GALNT14: variants seen among roughly 807,000 people sequenced by gnomAD.
GALNT14 encodes polypeptide N-acetylgalactosaminyltransferase 14.
Under a neutral mutation model 77.5 loss-of-function variants are expected in GALNT14, and 60 were observed. The ratio of observed to expected loss-of-function variants is 0.77; its 90% CI spans 0.63 to 0.96. GALNT14 has a LOEUF of 0.96. Ranked by LOEUF, GALNT14 falls within the 40% of genes least tolerant of loss-of-function variation. GALNT14 has a pLI of 0.00. For missense variants in GALNT14, 710 were observed against 731.0 expected, an observed-to-expected ratio of 0.97 and a Z score of 0.33; for synonymous variants, 280 against 281.7, an observed-to-expected ratio of 0.99 and a Z score of 0.06.
chr2:31,033,400 G>A (rs2148483904), intron 1 of GALNT14, among the ~76,000 whole-genome samples: 1 of 152,246 alleles, frequency 6.6e-6, no homozygotes, highest in South Asian at 2.1e-4. Context: ...CTCTGAAATT[G>A]TCCCAATTCT....
chr2:30,916,475 G>C (rs866698461), intron 13 of GALNT14, among the ~76,000 whole-genome samples: 5 of 152,206 alleles, frequency 3.3e-5, no homozygotes, highest in Non-Finnish European at 7.3e-5. Flanking sequence ...TAGTTGGTGT[G>C]GGTGACCCTG....
At chr2:30,899,855 G>C in the GALNT14 span, among the ~76,000 whole-genome samples, 1 of 152,224 alleles carries the variant, frequency 6.6e-6, no homozygotes. Context: ...GTTAGCTCTG[G>C]ATGATGCGGG....
chr2:31,076,841 C>T (rs1675829235), intron 1 of GALNT14, among the ~76,000 whole-genome samples: 1 of 152,060 alleles, frequency 6.6e-6, no homozygotes, highest in Non-Finnish European at 1.5e-5. Flanking sequence ...GGTGTAAACT[C>T]ATACTAGCCA....
chr2:30,977,432 T>G (rs1004709416), intron 2 of GALNT14, among the ~76,000 whole-genome samples: 3 of 152,152 alleles, frequency 2.0e-5, no homozygotes, highest in South Asian at 2.1e-4. Flanking sequence ...TGCTGGAAGA[T>G]TCTGGAAAGA....
intron 4 of GALNT14, among the ~76,000 whole-genome samples, chr2:30,957,648 C>G (rs1287090828): frequency 6.6e-6 from 1 of 152,194 alleles, no homozygotes; most frequent in African/African-American, 2.4e-5. Context: ...CTTCGTACAG[C>G]AGACCGCAGT....
At chr2:30,900,066 C>T in the GALNT14 span, among the ~76,000 whole-genome samples, 30 of 152,282 alleles carry the variant, frequency 2.0e-4, no homozygotes, top group South Asian at 6.2e-4. Context: ...AACTCTATTA[C>T]GGGTAACTTT....
At chr2:31,002,822 G>A (rs1670445704) in intron 1 of GALNT14, among the ~76,000 whole-genome samples, 1 of 152,186 alleles carries the variant, frequency 6.6e-6, no homozygotes, top group Non-Finnish European at 1.5e-5. Context: ...TGAGGAAGGA[G>A]GGGCACCCAG....
intron 1 of GALNT14, among the ~76,000 whole-genome samples, chr2:31,108,726 A>G (rs1489756163): frequency 6.6e-6 from 1 of 152,226 alleles, no homozygotes; most frequent in Non-Finnish European, 1.5e-5. Flanking sequence ...TGAGGACTAT[A>G]TAAGCATTAA....
At chr2:30,965,371 T>A (rs927127578) in intron 3 of GALNT14, among the ~76,000 whole-genome samples, 1 of 148,750 alleles carries the variant, frequency 6.7e-6, no homozygotes, top group Non-Finnish European at 1.5e-5. Context: ...TGAGGGCGGC[T>A]GCTGTCATTG....
chr2:30,955,791 A>C, intron 5 of GALNT14, 52 bp from the exon 6 acceptor site: 1 of 1,611,084 alleles, frequency 6.2e-7, no homozygotes, highest in Middle Eastern at 1.8e-4. Flanking sequence ...TCCATTGTCC[A>C]GCGAGACCAG....
intron 3 of GALNT14, 135 bp downstream of exon 3, chr2:30,966,069 A>C: frequency 1.6e-6 from 1 of 642,748 alleles, no homozygotes; most frequent in Middle Eastern, 3.0e-4. Context: ...GACACATGTG[A>C]CATATAGAAT....
intron 1 of GALNT14, among the ~76,000 whole-genome samples, chr2:31,088,833 C>A (rs1676588254): frequency 6.6e-6 from 1 of 152,062 alleles, no homozygotes; most frequent in Non-Finnish European, 1.5e-5. Flanking sequence ...CAGGGCGATG[C>A]CCATGAGAAT....
At chr2:31,132,431 C>A (rs1230596235) in intron 1 of GALNT14, among the ~76,000 whole-genome samples, 1 of 152,164 alleles carries the variant, frequency 6.6e-6, no homozygotes, top group East Asian at 1.9e-4. Context: ...CAGCTGTGTA[C>A]CACCACCCAG....
chr2:31,057,261 C>T (rs1674273198), intron 1 of GALNT14, among the ~76,000 whole-genome samples: 1 of 148,336 alleles, frequency 6.7e-6, no homozygotes, highest in African/African-American at 2.5e-5. Flanking sequence ...AGCAAACCTG[C>T]ACATGTGCCC....
At chr2:30,938,392 T>A (rs1442089562) in intron 9 of GALNT14, among the ~76,000 whole-genome samples, 27 of 144,652 alleles carry the variant, frequency 1.9e-4, no homozygotes, top group African/African-American at 4.7e-4. Flanking sequence ...ACACTCTCTC[T>A]CTCTCTCTCT....
chr2:31,068,776 A>G (rs1233743069), intron 1 of GALNT14, among the ~76,000 whole-genome samples: 1 of 152,206 alleles, frequency 6.6e-6, no homozygotes, highest in Admixed American at 6.5e-5. Context: ...GAATGGGTAA[A>G]CAAAGCCAGC....
At chr2:31,002,684 C>T (rs746895412) in intron 1 of GALNT14, among the ~76,000 whole-genome samples, 2 of 152,192 alleles carry the variant, frequency 1.3e-5, no homozygotes, top group Non-Finnish European at 2.9e-5. Flanking sequence ...CAGTGAAATG[C>T]TAACATATCA....
intron 1 of GALNT14, among the ~76,000 whole-genome samples, chr2:31,054,004 T>G (rs570682943): frequency 2.1e-3 from 313 of 152,280 alleles, no homozygotes; most frequent in African/African-American, 7.2e-3. Flanking sequence ...ATCCACACAG[T>G]TCATTCATTC....
chr2:31,119,109 AT>A (rs1678257731), intron 1 of GALNT14, among the ~76,000 whole-genome samples: 1 of 152,178 alleles, frequency 6.6e-6, no homozygotes, highest in Non-Finnish European at 1.5e-5. Flanking sequence ...AGAAAAAAAA[AT>A]CATATAAAAG....
Sources: allele counts gnomAD v4.1 joint callset (sites outside exome capture counted in the v4.1 genomes callset), GRCh38; gene constraint gnomAD v4.1.1; transcripts MANE v1.5; gene names NCBI Gene and HGNC (gene_info 2026-07-23, HGNC 2026-07-21).